Variants in PLEKHG5 observed in about 807,000 individuals in gnomAD.
PLEKHG5 encodes pleckstrin homology domain-containing family G member 5.
A neutral mutation model predicts 103.8 loss-of-function variants in PLEKHG5; 52 were observed. That is an observed-to-expected ratio of 0.50 (90% CI 0.40 to 0.63). The LOEUF is 0.63. Among genes scored for constraint, PLEKHG5 ranks in the 30% least tolerant of loss-of-function variants. The pLI, the probability that PLEKHG5 is intolerant of heterozygous loss-of-function variation, is 0.00. For missense variants in PLEKHG5, 1,205 were observed against 1,347.6 expected, an observed-to-expected ratio of 0.89 and a Z score of 1.66; for synonymous variants, 592 against 575.5, an observed-to-expected ratio of 1.03 and a Z score of -0.41.
Position 6,490,432 on chromosome 1 carries a change from C to T in PLEKHG5, c.-88+1205G>A, listed in dbSNP as rs1645128193. 1 of 985,138 alleles carries T rather than the reference C, an allele frequency of 1.0e-6. No homozygotes were observed. The highest frequency in any genetic ancestry group is 1.1e-4 in the East Asian group (1 of 8,794). The allele number at this position is 985,138 out of a possible 1,614,324, so 61.0% of individuals were successfully genotyped here. Reference sequence around the variant, plus strand: ...CCCGTCCGGAGCGCAGCTCCCACTTCCCCGCGACTCACCTAGGAACAGGAC... The same window carrying T: ...CCCGTCCGGAGCGCAGCTCCCACTTTCCCGCGACTCACCTAGGAACAGGAC... On this transcript the variant is annotated intron_variant, in intron 1 of 20. Transcript: ENST00000377728. This position sits in a 1 kb window ranked among gnomAD's most constrained non-coding sequence, Gnocchi z 8.0.
chr1:6,514,188 G>C (rs1467937296), intron 1 of PLEKHG5, among the ~76,000 whole-genome samples: 1 of 152,106 alleles, frequency 6.6e-6, no homozygotes, highest in South Asian at 2.1e-4. Context: ...GCCAGGCATG[G>C]TGGCACTCAG....
At chr1:6,485,296 C>A in intron 1 of PLEKHG5, 1 of 1,346,606 alleles carries the variant, frequency 7.4e-7, no homozygotes. Context: ...GCACCCAGCC[C>A]CGTTCCCGCC....
At chr1:6,495,756 G>A (rs533118124), upstream of PLEKHG5, among the ~76,000 whole-genome samples, 25 of 152,336 alleles carry the variant, frequency 1.6e-4, no homozygotes, top group African/African-American at 5.8e-4. Context: ...TCTCTCATGA[G>A]CTGTGGGCCT....
chr1:6,474,660 G>T, intron 5 of PLEKHG5, 73 bp from the exon 6 acceptor site: 1 of 1,080,850 alleles, frequency 9.3e-7, no homozygotes. Context: ...CCGCCCCCAC[G>T]AGCCCCCGCC....
intron 1 of PLEKHG5, among the ~76,000 whole-genome samples, chr1:6,509,482 G>A (rs1184909255): frequency 6.6e-6 from 1 of 152,212 alleles, no homozygotes. Context: ...CTGAGTAAGG[G>A]GCCAAAAGAG....
At chr1:6,474,234 T>C in intron 6 of PLEKHG5, 70 bp from the exon 7 acceptor site, 1 of 1,561,014 alleles carries the variant, frequency 6.4e-7, no homozygotes, top group Non-Finnish European at 8.7e-7. Context: ...CGGTCCTCTC[T>C]CCCCGGAGGA....
intron 1 of PLEKHG5, chr1:6,519,430 A>G (rs749481393): frequency 6.2e-7 from 1 of 1,602,418 alleles, no homozygotes; most frequent in South Asian, 1.1e-5. Flanking sequence ...CAAAAGAGAT[A>G]GAAAACATAC....
intron 1 of PLEKHG5, among the ~76,000 whole-genome samples, chr1:6,479,760 T>C (rs1165243796): frequency 6.6e-6 from 1 of 152,138 alleles, no homozygotes; most frequent in Non-Finnish European, 1.5e-5. Flanking sequence ...ACTAGGTGCA[T>C]GCCACTACGC....
chr1:6,514,459 A>G (rs1038655199), intron 1 of PLEKHG5, among the ~76,000 whole-genome samples: 1 of 151,348 alleles, frequency 6.6e-6, no homozygotes, highest in African/African-American at 2.4e-5. Context: ...GCCTCAAAAA[A>G]AAAAAGAAAA....
intron 1 of PLEKHG5, among the ~76,000 whole-genome samples, chr1:6,479,335 G>A (rs867824301): frequency 7.0e-6 from 1 of 143,018 alleles, no homozygotes; most frequent in South Asian, 2.2e-4. Context: ...CGCCCAGGCT[G>A]GAGTGCAGTG....
rs766753209 is a variant in PLEKHG5 at position 6,473,238 on chromosome 1, T to C, written c.795+13A>G. On this transcript the variant is annotated intron_variant, in intron 8 of 20. Transcript: ENST00000377728. ...AGCCAGCTGCCTGACCCTGGGCAGA[T>C]GGGGCCACATACCCGGCCAAAGGCG... 85 of 1,612,464 alleles carry C rather than the reference T, an allele frequency of 5.3e-5. No homozygotes were observed. Among genetic ancestry groups the C allele is most frequent in the Non-Finnish European group, 6.7e-5 (79 of 1,179,696 alleles).
chr1:6,499,775 G>T (rs1645275580), upstream of PLEKHG5, among the ~76,000 whole-genome samples: 1 of 152,094 alleles, frequency 6.6e-6, no homozygotes, highest in Non-Finnish European at 1.5e-5. Flanking sequence ...CCTGGACATA[G>T]CTGGGTTTTT....
chr1:6,468,949 T>G, intron 19 of PLEKHG5, 93 bp downstream of exon 19: 1 of 1,065,078 alleles, frequency 9.4e-7, no homozygotes, highest in Non-Finnish European at 1.4e-6. Context: ...CAAGAGGCCA[T>G]TGGGAGGAAG....
upstream of PLEKHG5, chr1:6,496,896 G>A (rs1336949835): frequency 1.4e-6 from 2 of 1,388,252 alleles, no homozygotes; most frequent in African/African-American, 1.5e-5. Flanking sequence ...GACTTCCCAG[G>A]GGGTCCCGGC....
chr1:6,498,291 G>A (rs1645256098), upstream of PLEKHG5, among the ~76,000 whole-genome samples: 1 of 152,170 alleles, frequency 6.6e-6, no homozygotes, highest in African/African-American at 2.4e-5. Flanking sequence ...GGCTAAGGGT[G>A]GACTTCCCTG....
At position 6,486,523 on chromosome 1, in the gene PLEKHG5, C is replaced by T. The variant is rs1005357865; in HGVS notation, c.-88+5114G>A. ...GGCCGTGGGCAGAAGGCGGGCTGCTCTGAGAGGCTATCCTTGGCAGCCCCC... is the reference window on the plus strand; with the variant it reads ...GGCCGTGGGCAGAAGGCGGGCTGCTTTGAGAGGCTATCCTTGGCAGCCCCC... On this transcript the variant is annotated intron_variant, in intron 1 of 20. Transcript: ENST00000377728. The surrounding 1 kb of genome is among the most constrained non-coding windows in gnomAD (Gnocchi z 5.3). Among the ~76,000 whole-genome samples the T allele has an allele frequency of 9.9e-5, 15 of 152,238 alleles. No individual in the cohort carries two copies. The highest frequency in any genetic ancestry group is 3.6e-4 in the African/African-American group (15 of 41,470).
intron 1 of PLEKHG5, among the ~76,000 whole-genome samples, chr1:6,482,158 G>A (rs1177449120): frequency 6.6e-6 from 1 of 151,924 alleles, no homozygotes; most frequent in African/African-American, 2.4e-5. Context: ...TTCCCCCCAA[G>A]TCACCTTCTC....
At chr1:6,484,216 G>A (rs1644968340) in intron 1 of PLEKHG5, among the ~76,000 whole-genome samples, 1 of 152,148 alleles carries the variant, frequency 6.6e-6, no homozygotes, top group Admixed American at 6.5e-5. Flanking sequence ...TGAGCCCTAT[G>A]ACGCACCCCA....
chr1:6,483,452 A>G (rs1482844545), intron 1 of PLEKHG5, among the ~76,000 whole-genome samples: 1 of 152,192 alleles, frequency 6.6e-6, no homozygotes, highest in Non-Finnish European at 1.5e-5. Context: ...ATCGTAAAAC[A>G]AAGTGCAAAA....
Sources: allele counts gnomAD v4.1 joint callset (sites outside exome capture counted in the v4.1 genomes callset), GRCh38; gene constraint gnomAD v4.1.1; non-coding constraint Gnocchi (gnomAD v3.1); transcripts MANE v1.5; gene names NCBI Gene and HGNC (gene_info 2026-07-23, HGNC 2026-07-21).